SNX27: variants seen among roughly 807,000 people sequenced by gnomAD.
SNX27 encodes the protein sorting nexin 27, also known as sorting nexin-27.
Under a neutral mutation model 71.6 loss-of-function variants are expected in SNX27, and 22 were observed. The observed-to-expected ratio is 0.31, with a 90% CI of 0.22 to 0.44. The LOEUF is 0.44. Among genes scored for constraint, SNX27 ranks in the 20% least tolerant of loss-of-function variants. The probability of loss-of-function intolerance (pLI) is 1.00; values close to 1 mark genes in which losing one functional copy is unlikely to be tolerated. For missense variants in SNX27, 531 were observed against 698.6 expected (o/e 0.76, Z 2.70); for synonymous variants, 269 against 277.2 (o/e 0.97, Z 0.29).
At chr1:151,691,532 G>T (rs1402390734) in intron 8 of SNX27, among the ~76,000 whole-genome samples, 1 of 146,004 alleles carries the variant, frequency 6.8e-6, no homozygotes, top group Non-Finnish European at 1.5e-5. Flanking sequence ...GTGCAGTGGC[G>T]CAATCTCAGC....
At position 151,639,090 on chromosome 1, in the gene SNX27, CAT is replaced by C; in HGVS notation, c.515_516del (p.His172ArgfsTer6). 1.2e-6 allele frequency: 2 copies of C among 1,614,066 alleles called. No individual in the cohort carries two copies. The highest frequency in any genetic ancestry group is 1.7e-6 in the Non-Finnish European group (2 of 1,179,966). ...AVPISVPRYK[H>X]VEQNGEKFVV... is the part of the protein sequence containing the mutation. ...GCCCATATCGGTCCCCAGATACAAACATGTGGAGCAGAATGGTGAGAAGTTTG... is the reference window on the plus strand; with the variant it reads ...GCCCATATCGGTCCCCAGATACAAACGTGGAGCAGAATGGTGAGAAGTTTG... On this transcript the variant is annotated frameshift_variant, in exon 2 of 12. Coordinates refer to ENST00000458013, the MANE Select transcript of SNX27 (RefSeq NM_001330723.2). LOFTEE classifies it high-confidence loss of function.
chr1:151,668,854 G>A (rs917451157), intron 7 of SNX27, among the ~76,000 whole-genome samples: 2 of 152,066 alleles, frequency 1.3e-5, no homozygotes, highest in African/African-American at 4.8e-5. Context: ...TTTTAAATAT[G>A]TATTCTAATA....
chr1:151,621,386 T>C (rs1667668786), intron 1 of SNX27, among the ~76,000 whole-genome samples: 1 of 152,246 alleles, frequency 6.6e-6, no homozygotes, highest in Non-Finnish European at 1.5e-5. Context: ...CTCTTATGTG[T>C]ACTTCCTCAG....
intron 8 of SNX27, among the ~76,000 whole-genome samples, chr1:151,686,717 G>A (rs1671202954): frequency 1.3e-5 from 2 of 152,226 alleles, no homozygotes; most frequent in Admixed American, 1.3e-4. Context: ...GAGCCCATAG[G>A]CCCTGATGCC....
At chr1:151,666,104 C>T in intron 6 of SNX27, 93 bp downstream of exon 6, 1 of 960,804 alleles carries the variant, frequency 1.0e-6, no homozygotes, top group Non-Finnish European at 1.6e-6. Context: ...AGGGGAGATC[C>T]CACTCATTAG....
rs1349308727 is a variant in SNX27 at position 151,694,424 on chromosome 1, C to T, written c.*7C>T. 16 of 1,549,952 alleles carry T rather than the reference C, an allele frequency of 1.0e-5. No homozygotes were observed. In the East Asian group the frequency reaches 3.9e-4, roughly 38 times the overall value. The stretch of plus-strand genomic sequence containing the variant: ...GAGAGATGTGGCCACCTAGCCTTTC[C>T]TTATCCCCTTCCCTTCCCTTCACCC... On this transcript the variant is annotated 3_prime_UTR_variant, in exon 12 of 12. Coordinates refer to ENST00000458013, the MANE Select transcript of SNX27 (RefSeq NM_001330723.2).
chr1:151,646,950 AT>A (rs1669074402), intron 2 of SNX27, among the ~76,000 whole-genome samples: 1 of 151,654 alleles, frequency 6.6e-6, no homozygotes, highest in Non-Finnish European at 1.5e-5. Flanking sequence ...ACAAGAGTAT[AT>A]TTCCCCCCGC....
At chr1:151,652,861 G>A (rs1343392037) in intron 2 of SNX27, among the ~76,000 whole-genome samples, 1 of 151,384 alleles carries the variant, frequency 6.6e-6, no homozygotes, top group African/African-American at 2.4e-5. Context: ...ATAATATGCT[G>A]CCTGATAATT....
Position 151,625,095 on chromosome 1 carries a change from G to A in SNX27, c.311+12583G>A, listed in dbSNP as rs1667861166. On this transcript the variant is annotated intron_variant, in intron 1 of 11. Transcript: ENST00000458013. ...ATTTATTCTTTTTTTTCCTTTTTGG[G>A]AAGACCAGATGCCAATTAACATACT... is the stretch of plus-strand genomic sequence containing the variant. Among the ~76,000 whole-genome samples, 4 of 152,098 alleles carry A rather than the reference G, an allele frequency of 2.6e-5. No homozygotes were observed. In the South Asian group the frequency reaches 8.3e-4, roughly 32 times the overall value.
chr1:151,672,136 C>T (rs1394544999), intron 7 of SNX27, among the ~76,000 whole-genome samples: 1 of 152,070 alleles, frequency 6.6e-6, no homozygotes, highest in Admixed American at 6.6e-5. Context: ...AGCTGTGGAT[C>T]TGTCATATAT....
chr1:151,649,980 C>T (rs1215562379), intron 2 of SNX27, among the ~76,000 whole-genome samples: 2 of 152,078 alleles, frequency 1.3e-5, no homozygotes, highest in Non-Finnish European at 2.9e-5. Flanking sequence ...CTCCACCTCC[C>T]AGGGTCAAGC....
chr1:151,690,475 T>A lies in SNX27; in HGVS notation c.1240-1960T>A, dbSNP rs144273438. On this transcript the variant is annotated intron_variant, in intron 8 of 11. Transcript: ENST00000458013. The stretch of plus-strand genomic sequence containing the variant: ...TCTTGTTTTGAGACAGGTCACTTAT[T>A]TTGAGATTGCAGTGGTGCAGTCTCA... Among the ~76,000 whole-genome samples the A allele has an allele frequency of 9.1e-4, 138 of 152,240 alleles. 1 individual carries two copies. Among genetic ancestry groups the A allele is most frequent in the Non-Finnish European group, 1.4e-3 (98 of 68,008 alleles).
At chr1:151,691,472 T>G (rs1193764422) in intron 8 of SNX27, among the ~76,000 whole-genome samples, 2 of 148,722 alleles carry the variant, frequency 1.3e-5, no homozygotes, top group African/African-American at 4.9e-5. Flanking sequence ...TCTGGTTTTT[T>G]TTTTTTTTTT....
intron 1 of SNX27, among the ~76,000 whole-genome samples, chr1:151,624,493 G>A (rs559975702): frequency 2.7e-5 from 4 of 147,442 alleles, no homozygotes; most frequent in East Asian, 2.0e-4. Flanking sequence ...GTGCAGTGGC[G>A]TGATCTTGGC....
chr1:151,688,458 C>T (rs747669844), intron 8 of SNX27, among the ~76,000 whole-genome samples: 7 of 151,990 alleles, frequency 4.6e-5, no homozygotes, highest in Non-Finnish European at 1.0e-4. Context: ...ATGGTGAAAC[C>T]CCGTCTCTAC....
At chr1:151,691,688 C>T (rs1161236750) in intron 8 of SNX27, among the ~76,000 whole-genome samples, 2 of 151,906 alleles carry the variant, frequency 1.3e-5, no homozygotes, top group African/African-American at 2.4e-5. Flanking sequence ...GGTCATGCCA[C>T]TGCACTCCAT....
intron 1 of SNX27, among the ~76,000 whole-genome samples, chr1:151,631,031 C>G (rs2102618344): frequency 6.6e-6 from 1 of 151,498 alleles, no homozygotes; most frequent in South Asian, 2.1e-4. Flanking sequence ...GACTCCGTCT[C>G]AAAAAAAAGA....
rs1671630939 is a variant in SNX27, at chr1:151,694,925, C to G, written c.*508C>G. On this transcript the variant is annotated 3_prime_UTR_variant, in exon 12 of 12. Transcript: ENST00000458013. ...CACACCTTTCACTAGAATCCATGAC[C>G]TCCCTCGTGCTCTCTTTCTTTTGAA... The G allele has an allele frequency of 6.6e-6, 1 of 152,552 alleles. No homozygotes were observed. Among genetic ancestry groups the G allele is most frequent in the African/African-American group, 2.4e-5 (1 of 41,404 alleles). 9.4% of individuals were successfully genotyped at this position (152,552 alleles called of 1,614,324 possible). A position where few individuals can be genotyped will look rare whatever the true frequency, so the allele number is the denominator to read the frequency against.
intron 8 of SNX27, among the ~76,000 whole-genome samples, chr1:151,685,792 T>C (rs16833464): frequency 3.3e-5 from 5 of 152,220 alleles, no homozygotes; most frequent in Non-Finnish European, 7.3e-5. Context: ...TGAAAAGTAA[T>C]AAATCTCTAT....
Sources: gnomAD v4.1 joint callset for allele counts (sites outside exome capture counted in the v4.1 genomes callset) on GRCh38, gnomAD v4.1.1 for gene constraint, MANE v1.5 for transcripts, NCBI Gene and HGNC (gene_info 2026-07-23, HGNC 2026-07-21) for gene names.